GRK3: variants seen among roughly 807,000 people sequenced by gnomAD.
GRK3 encodes the protein G protein-coupled receptor kinase 3, also known as adrenergic, beta, receptor kinase 2.
In GRK3, 54 loss-of-function variants were observed where a neutral mutation model predicts 95.7. The observed-to-expected ratio is 0.56, with a 90% CI of 0.45 to 0.71. GRK3 has a LOEUF of 0.71. Among genes scored for constraint, GRK3 ranks in the 30% least tolerant of loss-of-function variants. The probability of loss-of-function intolerance (pLI) is 0.00; values close to 1 mark genes in which losing one functional copy is unlikely to be tolerated. For synonymous variants in GRK3, 281 were observed against 290.8 expected, an observed-to-expected ratio of 0.97 and a Z score of 0.34; for missense variants, 649 against 851.2, an observed-to-expected ratio of 0.76 and a Z score of 2.96.
intron 2 of GRK3, among the ~76,000 whole-genome samples, chr22:25,619,749 C>T (rs2084567519): frequency 6.7e-6 from 1 of 148,894 alleles, no homozygotes; most frequent in African/African-American, 2.5e-5. Context: ...ACCCTAGCCT[C>T]CCAAAATGCT....
At chr22:25,700,738 C>T (rs1447052651) in intron 13 of GRK3, among the ~76,000 whole-genome samples, 2 of 152,154 alleles carry the variant, frequency 1.3e-5, no homozygotes, top group African/African-American at 4.8e-5. Flanking sequence ...CAGGCTCCCG[C>T]CACCACTCCC....
chr22:25,663,544 G>A, intron 4 of GRK3, 86 bp from the exon 5 acceptor site: 2 of 811,770 alleles, frequency 2.5e-6, no homozygotes, highest in Non-Finnish European at 3.9e-6. Flanking sequence ...TAATTGCTGT[G>A]TTAAATTTAT....
chr22:25,630,043 C>G (rs976785511), intron 2 of GRK3, among the ~76,000 whole-genome samples: 1 of 152,158 alleles, frequency 6.6e-6, no homozygotes, highest in East Asian at 1.9e-4. Flanking sequence ...CTGGCTGATT[C>G]TCTTATTTTC....
chr22:25,676,960 C>T (rs2085035023), intron 8 of GRK3, among the ~76,000 whole-genome samples: 2 of 152,160 alleles, frequency 1.3e-5, no homozygotes. Flanking sequence ...CCCTAGGAGC[C>T]TGTTAGGTAG....
At position 25,673,819 on chromosome 22, in the gene GRK3, G is replaced by A. The variant is rs552963230; in HGVS notation, c.556-618G>A. 5.3e-5 allele frequency among the ~76,000 whole-genome samples: 8 copies of A among 152,010 alleles called. No homozygotes were observed. In the East Asian group the frequency reaches 1.2e-3, roughly 22 times the overall value. On this transcript the variant is annotated intron_variant, in intron 7 of 20. Coordinates refer to ENST00000324198, the MANE Select transcript of GRK3 (RefSeq NM_005160.4). ...ATTACTGAGATATTATTGACTGAAG[G>A]AAAGTGCTTATGAATACAGCCTCTG...
intron 2 of GRK3, among the ~76,000 whole-genome samples, chr22:25,619,388 T>G (rs2146355380): frequency 6.6e-6 from 1 of 152,296 alleles, no homozygotes; most frequent in East Asian, 1.9e-4. Flanking sequence ...GTGAAGGGAT[T>G]TGCCTGGTGT....
intron 8 of GRK3, among the ~76,000 whole-genome samples, chr22:25,675,753 C>T (rs1023081150): frequency 1.3e-5 from 2 of 152,218 alleles, no homozygotes; most frequent in Non-Finnish European, 2.9e-5. Context: ...CGTTCTCAGA[C>T]AGGTCCAATG....
intron 1 of GRK3, among the ~76,000 whole-genome samples, chr22:25,587,844 A>C (rs545749631): frequency 6.6e-6 from 1 of 152,306 alleles, no homozygotes; most frequent in East Asian, 1.9e-4. Context: ...GCTGCTATGT[A>C]AGACGTACCC....
At chr22:25,576,135 C>T (rs1164031072) in intron 1 of GRK3, among the ~76,000 whole-genome samples, 1 of 152,156 alleles carries the variant, frequency 6.6e-6, no homozygotes, top group Non-Finnish European at 1.5e-5. Context: ...GCATTAAACA[C>T]TGGCTCCCAC....
intron 13 of GRK3, among the ~76,000 whole-genome samples, chr22:25,701,705 C>T (rs1473985008): frequency 1.3e-5 from 2 of 152,146 alleles, no homozygotes; most frequent in South Asian, 2.1e-4. Flanking sequence ...TGGCTTTGCA[C>T]GCAGGAGCCA....
chr22:25,722,403 G>GAGCT lies in GRK3; in HGVS notation c.2021_2024dup (p.Pro676AlafsTer39). The GAGCT allele has an allele frequency of 6.2e-7, 1 of 1,614,158 alleles. No homozygotes were observed. Among genetic ancestry groups the GAGCT allele is most frequent in the Non-Finnish European group, 8.5e-7 (1 of 1,180,028 alleles). ...CAACAAACCTCGGTCAGGTACTGTG[G>GAGCT]AGCTCCCAAAGCCATCCCTCTGTCA... On this transcript the variant is annotated frameshift_variant, in exon 21 of 21. Transcript: ENST00000324198. LOFTEE classifies it high-confidence loss of function.
At chr22:25,671,964 T>C (rs2084986134) in intron 6 of GRK3, among the ~76,000 whole-genome samples, 1 of 152,262 alleles carries the variant, frequency 6.6e-6, no homozygotes, top group Non-Finnish European at 1.5e-5. Context: ...GATTTCATGT[T>C]GAATTTTTAA....
At chr22:25,716,544 G>GTGCATAAGTA (rs1568941169) in intron 18 of GRK3, among the ~76,000 whole-genome samples, 1 of 151,896 alleles carries the variant, frequency 6.6e-6, no homozygotes, top group African/African-American at 2.4e-5. Context: ...TAAGTAATTC[G>GTGCATAAGTA]TGCATAAGTA....
intron 17 of GRK3, 134 bp from the exon 18 acceptor site, chr22:25,714,274 G>A (rs552871926): frequency 1.4e-4 from 92 of 674,950 alleles, no homozygotes; most frequent in Non-Finnish European, 2.0e-4. Context: ...AACCTGCCTC[G>A]AAATGATTAC....
intron 1 of GRK3, among the ~76,000 whole-genome samples, chr22:25,566,126 A>AT (rs892757819): frequency 1.5e-4 from 23 of 151,676 alleles, no homozygotes; most frequent in South Asian, 4.2e-4. Flanking sequence ...TCAGTGATGG[A>AT]TTTTTTTTTC....
At chr22:25,568,373 G>C (rs768477825) in intron 1 of GRK3, among the ~76,000 whole-genome samples, 2 of 151,848 alleles carry the variant, frequency 1.3e-5, no homozygotes, top group Non-Finnish European at 2.9e-5. Flanking sequence ...AGTTGAAGGC[G>C]GTTGAGTAAT....
chr22:25,662,690 G>A (rs1411080020), intron 4 of GRK3, among the ~76,000 whole-genome samples: 1 of 152,192 alleles, frequency 6.6e-6, no homozygotes, highest in Non-Finnish European at 1.5e-5. Flanking sequence ...GCTACTCCAT[G>A]CCTTGCTGCC....
chr22:25,689,685 G>T (rs1323349448), intron 11 of GRK3, among the ~76,000 whole-genome samples: 2 of 152,170 alleles, frequency 1.3e-5, no homozygotes, highest in African/African-American at 4.8e-5. Context: ...GACACTTATT[G>T]GGATTAGTGT....
intron 10 of GRK3, among the ~76,000 whole-genome samples, 180 bp downstream of exon 10, chr22:25,685,428 C>T (rs969088953): frequency 3.3e-5 from 5 of 152,188 alleles, no homozygotes; most frequent in African/African-American, 9.7e-5. Flanking sequence ...TCAATGTTGA[C>T]TGCAACGTCC....
Sources: gnomAD v4.1 joint callset for allele counts (sites outside exome capture counted in the v4.1 genomes callset) on GRCh38, gnomAD v4.1.1 for gene constraint, MANE v1.5 for transcripts, NCBI Gene and HGNC (gene_info 2026-07-23, HGNC 2026-07-21) for gene names.